SLCO3A1: variants seen among roughly 807,000 people sequenced by gnomAD.
SLCO3A1 encodes PGE1 transporter.
In SLCO3A1, 27 loss-of-function variants were observed where a neutral mutation model predicts 63.1. The ratio of observed to expected loss-of-function variants is 0.43; its 90% confidence interval spans 0.32 to 0.59. SLCO3A1 has a LOEUF of 0.59. Ranked by LOEUF, SLCO3A1 falls within the 20% of genes least tolerant of loss-of-function variation. SLCO3A1 has a pLI of 0.09. For synonymous variants in SLCO3A1, 473 were observed against 409.9 expected (o/e 1.15, Z -1.86); for missense variants, 773 against 945.8 (o/e 0.82, Z 2.40).
At chr15:92,149,194 A>G (rs1423849121) in intron 8 of SLCO3A1, 1 of 152,326 alleles carries the variant, frequency 6.6e-6, no homozygotes, top group Non-Finnish European at 1.5e-5. Flanking sequence ...TCCAGATCTC[A>G]GCTTGATAAA....
At chr15:92,093,409 C>T (rs578024326) in intron 2 of SLCO3A1, among the ~76,000 whole-genome samples, 1 of 152,248 alleles carries the variant, frequency 6.6e-6, no homozygotes, top group South Asian at 2.1e-4. Context: ...ACCAAGGGGG[C>T]GGTGCTGAGC....
intron 9 of SLCO3A1, among the ~76,000 whole-genome samples, chr15:92,156,486 C>G (rs2048373295): frequency 6.6e-6 from 1 of 152,200 alleles, no homozygotes. Context: ...CTCTGCCTTT[C>G]CTGACCATGT....
intron 2 of SLCO3A1, among the ~76,000 whole-genome samples, chr15:91,965,861 A>T (rs1374086541): frequency 6.6e-6 from 1 of 152,032 alleles, no homozygotes; most frequent in Admixed American, 6.5e-5. Flanking sequence ...CCCTTAGTCG[A>T]TTGAGCCAGT....
chr15:91,937,590 G>T (rs1426110928), intron 2 of SLCO3A1, among the ~76,000 whole-genome samples: 1 of 151,988 alleles, frequency 6.6e-6, no homozygotes, highest in Admixed American at 6.6e-5. Flanking sequence ...CTGGTGGTGG[G>T]TGCCTGTAAT....
intron 2 of SLCO3A1, among the ~76,000 whole-genome samples, chr15:91,921,964 A>T (rs982423315): frequency 8.6e-5 from 13 of 151,832 alleles, no homozygotes; most frequent in African/African-American, 3.1e-4. Flanking sequence ...CGAACTCCTG[A>T]CCTCAAGTGC....
chr15:91,949,846 T>TAAGC (rs965445333), intron 2 of SLCO3A1, among the ~76,000 whole-genome samples: 30 of 151,684 alleles, frequency 2.0e-4, no homozygotes, highest in Admixed American at 3.3e-4. Flanking sequence ...AATAAATAAA[T>TAAGC]AAGCAAGCAA....
At chr15:91,890,599 A>T (rs1312872303) in intron 1 of SLCO3A1, among the ~76,000 whole-genome samples, 1 of 152,206 alleles carries the variant, frequency 6.6e-6, no homozygotes, top group Non-Finnish European at 1.5e-5. Flanking sequence ...CCATGAAGAG[A>T]CTTAACTGGA....
downstream of SLCO3A1, among the ~76,000 whole-genome samples, chr15:92,170,008 A>G (rs2048512979): frequency 6.6e-6 from 1 of 152,200 alleles, no homozygotes; most frequent in Non-Finnish European, 1.5e-5. Context: ...GTAAGATACA[A>G]TTGATTACGT....
At chr15:92,026,374 G>C (rs1158837647) in intron 2 of SLCO3A1, among the ~76,000 whole-genome samples, 2 of 152,208 alleles carry the variant, frequency 1.3e-5, no homozygotes, top group African/African-American at 4.8e-5. Flanking sequence ...TCTCACTAAG[G>C]AGACAGAAGT....
At chr15:92,156,405 C>T (rs1324821050) in intron 9 of SLCO3A1, among the ~76,000 whole-genome samples, 2 of 152,212 alleles carry the variant, frequency 1.3e-5, no homozygotes, top group East Asian at 3.9e-4. Flanking sequence ...GCCACCCTTA[C>T]CTGTACTGAG....
At chr15:91,921,143 G>A (rs549855272) in intron 2 of SLCO3A1, among the ~76,000 whole-genome samples, 30 of 152,298 alleles carry the variant, frequency 2.0e-4, no homozygotes, top group African/African-American at 5.8e-4. Flanking sequence ...CAGGGTTGGC[G>A]TCCTCTGAGG....
intron 4 of SLCO3A1, among the ~76,000 whole-genome samples, chr15:92,119,147 G>A (rs909450967): frequency 2.6e-5 from 4 of 152,114 alleles, no homozygotes; most frequent in African/African-American, 4.8e-5. Context: ...GCCAGGATAC[G>A]TCATACCATA....
intron 2 of SLCO3A1, among the ~76,000 whole-genome samples, chr15:91,931,113 C>T (rs562034484): frequency 1.5e-3 from 222 of 152,288 alleles, no homozygotes; most frequent in African/African-American, 5.0e-3. Flanking sequence ...AATGACCAGT[C>T]CCTTGCAAGG....
At chr15:92,021,672 A>G (rs1424329004) in intron 2 of SLCO3A1, among the ~76,000 whole-genome samples, 1 of 152,198 alleles carries the variant, frequency 6.6e-6, no homozygotes, top group Non-Finnish European at 1.5e-5. Flanking sequence ...CTCTTATTAC[A>G]TGCTAAGCAT....
chr15:92,142,530 A>C (rs2238356), intron 7 of SLCO3A1, among the ~76,000 whole-genome samples: 74,512 of 152,014 alleles, frequency 0.49, 19,657 homozygotes, highest in African/African-American at 0.7. Context: ...CTCCTGAAGA[A>C]CCCCCACCTT....
intron 9 of SLCO3A1, among the ~76,000 whole-genome samples, chr15:92,155,741 A>G (rs1345748625): frequency 6.6e-6 from 1 of 152,126 alleles, no homozygotes; most frequent in Non-Finnish European, 1.5e-5. Flanking sequence ...CCCCAACCCA[A>G]CCGACCTAAG....
chr15:91,966,463 C>T (rs988509871), intron 2 of SLCO3A1, among the ~76,000 whole-genome samples: 1 of 152,168 alleles, frequency 6.6e-6, no homozygotes, highest in Non-Finnish European at 1.5e-5. Context: ...TCCCACTGTG[C>T]ACAATGCAAC....
chr15:92,161,066 G>T (rs373890482), intron 9 of SLCO3A1, among the ~76,000 whole-genome samples: 92 of 152,276 alleles, frequency 6.0e-4, no homozygotes, highest in African/African-American at 2.1e-3. Context: ...GACTAGCTCT[G>T]CAAGGAACAC....
At chr15:92,134,181 G>A (rs4777984) in intron 7 of SLCO3A1, among the ~76,000 whole-genome samples, 100,736 of 152,082 alleles carry the variant, frequency 0.66, 34,133 homozygotes, top group African/African-American at 0.79. Context: ...CATTTTTTAA[G>A]TGTATGTTTC....
Sources: allele counts gnomAD v4.1 joint callset (sites outside exome capture counted in the v4.1 genomes callset), GRCh38; gene constraint gnomAD v4.1.1; transcripts MANE v1.5; gene names NCBI Gene and HGNC (gene_info 2026-07-23, HGNC 2026-07-21).